The following PSMA6 variants were observed in gnomAD, a reference collection of about 807,000 sequenced individuals.
PSMA6 encodes the protein proteasome 20S subunit alpha 6.
For missense variants in PSMA6, 170 were observed against 294.8 expected (o/e 0.58, Z 3.10); for synonymous variants, 88 against 97.7 (o/e 0.90, Z 0.59).
chr14:35,278,673 A>T, exon 1 of PSMA6: 1 of 1,534,944 alleles, frequency 6.5e-7, no homozygotes, highest in Non-Finnish European at 8.7e-7. Context: ...CCTCCACCTC[A>T]TGAAGTAGCT....
intron 6 of PSMA6, chr14:35,316,005 T>G (rs1566565119): frequency 6.6e-6 from 1 of 152,200 alleles, no homozygotes; most frequent in South Asian, 2.1e-4. Flanking sequence ...TTGACAAATT[T>G]CACTTTTTAG....
At chr14:35,296,120 T>C (rs911222548) in intron 1 of PSMA6, among the ~76,000 whole-genome samples, 1 of 152,144 alleles carries the variant, frequency 6.6e-6, no homozygotes, top group African/African-American at 2.4e-5. Context: ...GAAAATAAAA[T>C]GTAGAAGTGT....
At chr14:35,288,796 G>A (rs1269439723), upstream of PSMA6, among the ~76,000 whole-genome samples, 1 of 152,222 alleles carries the variant, frequency 6.6e-6, no homozygotes, top group Non-Finnish European at 1.5e-5. Context: ...GGCCAGGCAT[G>A]CTGGCTCACA....
intron 3 of PSMA6, 43 bp from the exon 4 acceptor site, chr14:35,310,697 C>A: frequency 1.2e-6 from 2 of 1,604,576 alleles, no homozygotes; most frequent in South Asian, 2.2e-5. Context: ...CAGGTTTGTT[C>A]TTTCCTTCTA....
At chr14:35,302,464 T>A (rs1309634701) in intron 1 of PSMA6, among the ~76,000 whole-genome samples, 2 of 152,190 alleles carry the variant, frequency 1.3e-5, no homozygotes, top group Non-Finnish European at 2.9e-5. Flanking sequence ...AAATTTTTTC[T>A]ATTTTTGGTT....
At chr14:35,316,796 G>C (rs917184359) in intron 6 of PSMA6, 3 of 155,534 alleles carry the variant, frequency 1.9e-5, no homozygotes, top group African/African-American at 7.2e-5. Context: ...AACCTGGGAG[G>C]CAGAGCTTGC....
rs1198657779 is a variant in PSMA6 at position 35,308,099 on chromosome 14, C to T, written c.171+11C>T. ...CAGAAGAAAGTACCTGTAAGTAATACTGCCCAAATAGTTAATAATTGCAGA... is the reference window on the plus strand; with the variant it reads ...CAGAAGAAAGTACCTGTAAGTAATATTGCCCAAATAGTTAATAATTGCAGA... On this transcript the variant is annotated intron_variant, in intron 2 of 6. Transcript: ENST00000261479. The T allele has an allele frequency of 1.2e-6, 2 of 1,612,896 alleles. No individual in the cohort carries two copies. The highest frequency in any genetic ancestry group is 1.7e-5 in the Admixed American group (1 of 59,968).
At chr14:35,299,032 C>G (rs1036096678) in intron 1 of PSMA6, among the ~76,000 whole-genome samples, 7 of 150,194 alleles carry the variant, frequency 4.7e-5, no homozygotes, top group Non-Finnish European at 8.9e-5. Flanking sequence ...CTGCGTCCAG[C>G]TATTTATTTT....
chr14:35,313,083 CT>C (rs753881455), intron 5 of PSMA6, 24 bp downstream of exon 5: 46 of 1,549,118 alleles, frequency 3.0e-5, no homozygotes, highest in Non-Finnish European at 3.8e-5. Context: ...AAGGAGCTGA[CT>C]TTTTTTATGC....
intron 1 of PSMA6, among the ~76,000 whole-genome samples, chr14:35,281,374 T>C (rs548294795): frequency 2.0e-4 from 31 of 152,312 alleles, no homozygotes; most frequent in African/African-American, 7.0e-4. Flanking sequence ...AAGCAGCTAA[T>C]CTCCTGGAGC....
At chr14:35,305,815 C>T (rs367750392) in intron 1 of PSMA6, among the ~76,000 whole-genome samples, 2 of 152,182 alleles carry the variant, frequency 1.3e-5, no homozygotes, top group Non-Finnish European at 2.9e-5. Flanking sequence ...AAAATATGTG[C>T]CCAGGCCAGG....
chr14:35,282,287 T>A (rs1348148546), intron 1 of PSMA6, among the ~76,000 whole-genome samples: 1 of 152,220 alleles, frequency 6.6e-6, no homozygotes, highest in African/African-American at 2.4e-5. Flanking sequence ...CAGGCTGATG[T>A]GCAGCAGTGT....
chr14:35,298,895 G>A (rs2051652694), intron 1 of PSMA6, among the ~76,000 whole-genome samples: 1 of 151,800 alleles, frequency 6.6e-6, no homozygotes, highest in Non-Finnish European at 1.5e-5. Flanking sequence ...CACCATACCT[G>A]GCTAATTTTT....
chr14:35,303,829 C>T (rs1379010965), intron 1 of PSMA6, among the ~76,000 whole-genome samples: 1 of 151,770 alleles, frequency 6.6e-6, no homozygotes, highest in African/African-American at 2.4e-5. Flanking sequence ...TGTCATTATT[C>T]GCTAAACAAT....
At chr14:35,311,496 C>A (rs1033278313) in intron 4 of PSMA6, among the ~76,000 whole-genome samples, 1 of 152,198 alleles carries the variant, frequency 6.6e-6, no homozygotes, top group Non-Finnish European at 1.5e-5. Context: ...ATCTGACCCT[C>A]TTGACTTCTC....
In PSMA6 at chr14:35,314,464, T is replaced by C. The variant is rs1566564199; in HGVS notation, c.683+9T>C. 1 of 1,607,290 alleles carries C rather than the reference T, an allele frequency of 6.2e-7. No individual in the cohort carries two copies. On this transcript the variant is annotated intron_variant, in intron 6 of 6. Coordinates refer to ENST00000261479, the MANE Select transcript of PSMA6 (RefSeq NM_002791.3). ...GAAAATCCTAAATTCAGGTGAGTGA[T>C]ATTGTGGGCCACATGCAGACTAGAA... is the stretch of plus-strand genomic sequence containing the variant.
chr14:35,290,622 A>G (rs896030968), upstream of PSMA6, among the ~76,000 whole-genome samples: 1 of 152,246 alleles, frequency 6.6e-6, no homozygotes, highest in Non-Finnish European at 1.5e-5. Flanking sequence ...TTTAGGAAAT[A>G]CATTAAAGGA....
chr14:35,291,023 C>T (rs1170414272), upstream of PSMA6, among the ~76,000 whole-genome samples: 2 of 150,758 alleles, frequency 1.3e-5, no homozygotes, highest in African/African-American at 4.9e-5. Flanking sequence ...GATAGATCTT[C>T]CTCTGTCGCC....
chr14:35,286,827 C>T (rs2051426152), intron 1 of PSMA6, among the ~76,000 whole-genome samples: 2 of 152,032 alleles, frequency 1.3e-5, no homozygotes, highest in Non-Finnish European at 1.5e-5. Context: ...CACTGTATTG[C>T]ATCCACCATT....
Sources: gnomAD v4.1 joint callset for allele counts (sites outside exome capture counted in the v4.1 genomes callset) on GRCh38, gnomAD v4.1.1 for gene constraint, MANE v1.5 for transcripts, NCBI Gene and HGNC (gene_info 2026-07-23, HGNC 2026-07-21) for gene names.